The following MRPS31 variants were observed in gnomAD, a reference collection of about 807,000 sequenced individuals.
MRPS31 encodes the protein mitochondrial ribosomal protein S31.
Under a neutral mutation model 43.1 loss-of-function variants are expected in MRPS31, and 32 were observed. The ratio of observed to expected loss-of-function variants is 0.74; its 90% CI spans 0.56 to 1.00. MRPS31 has a LOEUF of 1.00. Ranked by LOEUF, MRPS31 falls within the 50% of genes least tolerant of loss-of-function variation. The pLI is 0.00. For missense variants in MRPS31, 437 were observed against 466.7 expected, an observed-to-expected ratio of 0.94 and a Z score of 0.59; for synonymous variants, 165 against 161.6, an observed-to-expected ratio of 1.02 and a Z score of -0.16.
intron 4 of MRPS31, among the ~76,000 whole-genome samples, chr13:40,756,495 A>G (rs1468443891): frequency 6.6e-6 from 1 of 152,162 alleles, no homozygotes; most frequent in African/African-American, 2.4e-5. Context: ...ACGTATTGAG[A>G]TATAAAGGCT....
rs573648697 is a variant in MRPS31, at chr13:40,730,288, G to A, written c.959-687C>T. Among the ~76,000 whole-genome samples, 237 of 151,758 alleles carry A rather than the reference G, an allele frequency of 1.6e-3. 1 individual carries two copies. Among genetic ancestry groups the A allele is most frequent in the African/African-American group, 5.4e-3 (225 of 41,432 alleles). Reference sequence around the variant, plus strand: ...CTATAATCCCAGCACTTTGGGAGGCGAGGCAGGCGGCTCACTCAAGGTCAG... The same window carrying A: ...CTATAATCCCAGCACTTTGGGAGGCAAGGCAGGCGGCTCACTCAAGGTCAG... On this transcript the variant is annotated intron_variant, in intron 6 of 6. Coordinates refer to ENST00000323563, the MANE Select transcript of MRPS31 (RefSeq NM_005830.4).
At chr13:40,751,549 T>C (rs1359894396) in intron 5 of MRPS31, among the ~76,000 whole-genome samples, 1 of 152,224 alleles carries the variant, frequency 6.6e-6, no homozygotes, top group Non-Finnish European at 1.5e-5. Flanking sequence ...CCTATGAGTA[T>C]ATCCTTTGTA....
chr13:40,749,175 C>G lies in MRPS31; in HGVS notation c.921G>C (p.Glu307Asp). 1 of 1,601,206 alleles carries G rather than the reference C, an allele frequency of 6.2e-7. No individual in the cohort carries two copies. ...GFEELIQWTKEGKLWEFPINN... is the reference protein window; with the variant it reads ...GFEELIQWTKDGKLWEFPINN... ...TAATTGGGAACTCCCATAGTTTCCC[C>G]TCTTTTGTCCACTGGATCAGCTCTT... The change falls in exon 6 of 7, where the codon GAG becomes GAC. Residue 307 changes from glutamate to aspartate, a missense_variant. Glu to Asp is a conservative substitution (Grantham distance 45, BLOSUM62 2). Transcript: ENST00000323563.
intron 2 of MRPS31, among the ~76,000 whole-genome samples, chr13:40,764,087 A>G (rs1316888557): frequency 6.6e-6 from 1 of 152,190 alleles, no homozygotes; most frequent in East Asian, 1.9e-4. Flanking sequence ...GGGGCAGCAC[A>G]GGAAAATACA....
chr13:40,737,663 T>A (rs916704329), intron 6 of MRPS31, among the ~76,000 whole-genome samples: 1 of 152,154 alleles, frequency 6.6e-6, no homozygotes, highest in Non-Finnish European at 1.5e-5. Flanking sequence ...ACATGGAAAC[T>A]GAACAACCTG....
intron 6 of MRPS31, among the ~76,000 whole-genome samples, chr13:40,748,395 G>A (rs971736720): frequency 5.9e-5 from 9 of 152,208 alleles, no homozygotes; most frequent in Middle Eastern, 3.2e-3. Flanking sequence ...GAACTCAGGC[G>A]ATCCGCCCGC....
At chr13:40,755,189 A>G (rs541517154) in intron 4 of MRPS31, among the ~76,000 whole-genome samples, 1 of 152,248 alleles carries the variant, frequency 6.6e-6, no homozygotes, top group East Asian at 1.9e-4. Flanking sequence ...ATCTCAAATC[A>G]TATAATCTTC....
chr13:40,733,566 A>C (rs2137991712), intron 6 of MRPS31, among the ~76,000 whole-genome samples: 1 of 152,346 alleles, frequency 6.6e-6, no homozygotes, highest in East Asian at 1.9e-4. Context: ...ACTTATGAAT[A>C]TTATGAAGAG....
chr13:40,746,841 G>C (rs1009861046), intron 6 of MRPS31, among the ~76,000 whole-genome samples: 10 of 152,320 alleles, frequency 6.6e-5, no homozygotes, highest in African/African-American at 2.4e-4. Flanking sequence ...TGTTGCTGTA[G>C]AAACAGGGAT....
At chr13:40,754,895 G>A (rs1218099739) in intron 4 of MRPS31, among the ~76,000 whole-genome samples, 1 of 152,184 alleles carries the variant, frequency 6.6e-6, no homozygotes, top group African/African-American at 2.4e-5. Context: ...TTAGCCAGGT[G>A]TGATGGCAGG....
intron 6 of MRPS31, among the ~76,000 whole-genome samples, chr13:40,735,694 A>T (rs1446631095): frequency 6.6e-6 from 1 of 152,016 alleles, no homozygotes; most frequent in African/African-American, 2.4e-5. Context: ...ACTGCAGGGT[A>T]CTCCAACAGA....
chr13:40,744,503 T>C (rs1211148256), intron 6 of MRPS31, among the ~76,000 whole-genome samples: 1 of 152,244 alleles, frequency 6.6e-6, no homozygotes, highest in Non-Finnish European at 1.5e-5. Flanking sequence ...TGTTTTCATA[T>C]ACCATCCTTA....
chr13:40,769,006 T>C (rs552290951), intron 1 of MRPS31, among the ~76,000 whole-genome samples: 1 of 152,116 alleles, frequency 6.6e-6, no homozygotes, highest in Non-Finnish European at 1.5e-5. Flanking sequence ...TAGTTTGGAA[T>C]TTAACATTTT....
At chr13:40,745,233 T>G (rs1880210690) in intron 6 of MRPS31, among the ~76,000 whole-genome samples, 1 of 152,006 alleles carries the variant, frequency 6.6e-6, no homozygotes, top group Admixed American at 6.6e-5. Context: ...TATTTTGCAT[T>G]TTATTTTATT....
Position 40,758,987 on chromosome 13 carries a change from T to G in MRPS31, c.560A>C (p.Glu187Ala), listed in dbSNP as rs1293306798. ...LLSQLQQHEE[E>A]SRAQRDAKRP... ...CTTTGCATCTCTCTGTGCCCTTGAC[T>G]CTTCCTCATGCTGCTGGAGCTGGCT... The change falls in exon 3 of 7, where the codon GAG becomes GCG. Residue 187 changes from glutamate to alanine, a missense_variant. Glu to Ala is a moderately radical substitution (Grantham distance 107). Coordinates refer to ENST00000323563, the MANE Select transcript of MRPS31 (RefSeq NM_005830.4). 1 of 1,608,098 alleles carries G rather than the reference T, an allele frequency of 6.2e-7. No individual in the cohort carries two copies. Among genetic ancestry groups the G allele is most frequent in the Admixed American group, 1.7e-5 (1 of 59,358 alleles).
chr13:40,762,668 T>G (rs1880731148), intron 2 of MRPS31, among the ~76,000 whole-genome samples: 2 of 152,030 alleles, frequency 1.3e-5, no homozygotes, highest in South Asian at 4.1e-4. Context: ...ACTCCTAGAC[T>G]CAAGCAATCC....
intron 6 of MRPS31, among the ~76,000 whole-genome samples, chr13:40,742,072 G>T (rs758984996): frequency 2.0e-5 from 3 of 152,054 alleles, no homozygotes; most frequent in Non-Finnish European, 2.9e-5. Context: ...AAAAAGAAGA[G>T]AACTGAGGGG....
At chr13:40,734,595 G>A (rs1879820259) in intron 6 of MRPS31, among the ~76,000 whole-genome samples, 1 of 152,058 alleles carries the variant, frequency 6.6e-6, no homozygotes, top group Non-Finnish European at 1.5e-5. Flanking sequence ...GTAATTTTTT[G>A]TCTTACCATT....
At chr13:40,748,304 T>C (rs1466975382) in intron 6 of MRPS31, among the ~76,000 whole-genome samples, 1 of 152,174 alleles carries the variant, frequency 6.6e-6, no homozygotes, top group African/African-American at 2.4e-5. Flanking sequence ...ATTACAGGCA[T>C]GCACCATTAT....
Sources: allele counts gnomAD v4.1 joint callset (sites outside exome capture counted in the v4.1 genomes callset), GRCh38; gene constraint gnomAD v4.1.1; transcripts MANE v1.5; gene names NCBI Gene and HGNC (gene_info 2026-07-23, HGNC 2026-07-21).